The following TRIM5 variants were observed in gnomAD, a reference collection of about 807,000 sequenced individuals.
TRIM5 encodes the protein tripartite motif containing 5.
TRIM5 carries 31 observed loss-of-function variants against 35.6 expected under a neutral mutation model. The ratio of observed to expected loss-of-function variants is 0.87; its 90% confidence interval spans 0.65 to 1.18. The LOEUF (loss-of-function observed/expected upper bound fraction) is 1.18, where lower values mean the gene tolerates loss of function less well. Among genes scored for constraint, TRIM5 ranks in the 50% most tolerant of loss-of-function variants. The pLI is 0.00. For synonymous variants in TRIM5, 243 were observed against 215.6 expected, an observed-to-expected ratio of 1.13 and a Z score of -1.11; for missense variants, 609 against 591.6, an observed-to-expected ratio of 1.03 and a Z score of -0.31.
the TRIM5 span, among the ~76,000 whole-genome samples, chr11:5,641,750 T>C: frequency 6.6e-6 from 1 of 152,238 alleles, no homozygotes; most frequent in African/African-American, 2.4e-5. Flanking sequence ...TATGGAAAAG[T>C]GTAGTCCTTG....
chr11:5,620,351 G>A, the TRIM5 span, among the ~76,000 whole-genome samples: 6 of 151,316 alleles, frequency 4.0e-5, no homozygotes, highest in Admixed American at 3.9e-4. Flanking sequence ...CTAAGCTTTT[G>A]TATTTTTAGT....
At chr11:5,655,526 T>A in the TRIM5 span, 1 of 539,400 alleles carries the variant, frequency 1.9e-6, no homozygotes, top group Middle Eastern at 9.5e-4. Flanking sequence ...TATTAGTCTA[T>A]GGGTAACAAA....
the TRIM5 span, among the ~76,000 whole-genome samples, chr11:5,594,352 G>C: frequency 3.2e-4 from 49 of 152,118 alleles, no homozygotes; most frequent in African/African-American, 1.2e-3. Context: ...GTGTTGCCCA[G>C]GCTAGAGAGC....
the TRIM5 span, among the ~76,000 whole-genome samples, chr11:5,620,792 G>C: frequency 6.6e-6 from 1 of 152,120 alleles, no homozygotes; most frequent in African/African-American, 2.4e-5. Flanking sequence ...AGAGGCTCTG[G>C]TAGACCTCAG....
chr11:5,667,274 T>G (rs1851212457), intron 5 of TRIM5, among the ~76,000 whole-genome samples: 1 of 152,192 alleles, frequency 6.6e-6, no homozygotes, highest in Admixed American at 6.5e-5. Flanking sequence ...TGGCATGGTC[T>G]TGGCTCACTG....
chr11:5,675,662 CTTTT>C (rs71053292), intron 4 of TRIM5, among the ~76,000 whole-genome samples: 3 of 141,792 alleles, frequency 2.1e-5, no homozygotes, highest in Non-Finnish European at 4.6e-5. Context: ...TCTTGCATTT[CTTTT>C]TTTTTTTTTT....
the TRIM5 span, among the ~76,000 whole-genome samples, chr11:5,619,059 C>T: frequency 6.6e-6 from 1 of 152,086 alleles, no homozygotes; most frequent in Admixed American, 6.6e-5. Context: ...ATGAGGGTAG[C>T]CTGAGTCATA....
the TRIM5 span, among the ~76,000 whole-genome samples, chr11:5,646,207 G>A: frequency 6.6e-6 from 1 of 151,486 alleles, no homozygotes; most frequent in East Asian, 1.9e-4. Flanking sequence ...AGCTTTTTTG[G>A]AAATATCATT....
chr11:5,626,134 A>G, the TRIM5 span, among the ~76,000 whole-genome samples: 1 of 152,236 alleles, frequency 6.6e-6, no homozygotes, highest in African/African-American at 2.4e-5. Context: ...ATGTCTGCCT[A>G]CATACTGACT....
chr11:5,638,008 G>C, the TRIM5 span, among the ~76,000 whole-genome samples: 3 of 152,128 alleles, frequency 2.0e-5, no homozygotes, highest in Admixed American at 1.3e-4. Flanking sequence ...TTCCATCCTT[G>C]TACTTGTTTA....
chr11:5,615,685 C>A, the TRIM5 span, among the ~76,000 whole-genome samples: 7 of 151,790 alleles, frequency 4.6e-5, no homozygotes, highest in Admixed American at 2.0e-4. Flanking sequence ...CCTCTGCCTC[C>A]TGGGTTTAAG....
Position 5,683,464 on chromosome 11 carries a change from G to A in TRIM5, c.-62+1404C>T, listed in dbSNP as rs575687559. ...TGTGTCTAGCTCAGGGTTTGTGAATGCACCAATCGACACTCTATATCTAGC... is the reference window on the plus strand; with the variant it reads ...TGTGTCTAGCTCAGGGTTTGTGAATACACCAATCGACACTCTATATCTAGC... On this transcript the variant is annotated intron_variant, in intron 1 of 7. Coordinates refer to ENST00000380034, the MANE Select transcript of TRIM5 (RefSeq NM_033034.3). 1.7e-3 allele frequency among the ~76,000 whole-genome samples: 265 copies of A among 152,086 alleles called. 1 individual carries two copies. The highest frequency in any genetic ancestry group is 6.3e-3 in the African/African-American group (261 of 41,482).
In TRIM5 at chr11:5,664,604, A is replaced by C; in HGVS notation, c.*205T>G. ...TTAGGAGTACGGAAAATGATGAAAA[A>C]AATTGCTATCAAATGTCAATAAAAT... On this transcript the variant is annotated 3_prime_UTR_variant, in exon 8 of 8. Coordinates refer to ENST00000380034, the MANE Select transcript of TRIM5 (RefSeq NM_033034.3). The C allele has an allele frequency of 7.7e-7, 1 of 1,304,642 alleles. No individual in the cohort carries two copies. The highest frequency in any genetic ancestry group is 9.7e-7 in the Non-Finnish European group (1 of 1,030,358). 80.8% of individuals were successfully genotyped at this position (1,304,642 alleles called of 1,614,324 possible). A position where few individuals can be genotyped will look rare whatever the true frequency, so the allele number is the denominator to read the frequency against.
At chr11:5,602,805 C>T in the TRIM5 span, among the ~76,000 whole-genome samples, 5 of 148,016 alleles carry the variant, frequency 3.4e-5, no homozygotes, top group African/African-American at 7.3e-5. Context: ...AATACAAAAA[C>T]TAGCCAGGTG....
the TRIM5 span, among the ~76,000 whole-genome samples, chr11:5,618,260 C>T: frequency 6.6e-6 from 1 of 152,134 alleles, no homozygotes; most frequent in Non-Finnish European, 1.5e-5. Flanking sequence ...ATTCCAGCTA[C>T]TTGGGAGGCT....
chr11:5,684,667 G>T (rs1852876595), intron 1 of TRIM5, among the ~76,000 whole-genome samples: 1 of 152,174 alleles, frequency 6.6e-6, no homozygotes, highest in African/African-American at 2.4e-5. Flanking sequence ...TATAGAGTAG[G>T]GAGGGGATGG....
the TRIM5 span, among the ~76,000 whole-genome samples, chr11:5,638,736 G>A: frequency 3.9e-5 from 6 of 152,144 alleles, no homozygotes; most frequent in Non-Finnish European, 7.4e-5. Flanking sequence ...TACTGGTGCC[G>A]TTTTTTCTTC....
At chr11:5,665,906 T>C in intron 6 of TRIM5, 75 bp downstream of exon 6, 1 of 1,440,166 alleles carries the variant, frequency 6.9e-7, no homozygotes, top group Non-Finnish European at 9.5e-7. Flanking sequence ...ATTTGGAAAC[T>C]GCACCCTCTT....
At chr11:5,590,970 G>A in the TRIM5 span, 122 of 176,594 alleles carry the variant, frequency 6.9e-4, no homozygotes, top group Middle Eastern at 2.4e-3. Context: ...GAGGGTCCGC[G>A]GCTTCATTCT....
Sources: gnomAD v4.1 joint callset for allele counts (sites outside exome capture counted in the v4.1 genomes callset) on GRCh38, gnomAD v4.1.1 for gene constraint, MANE v1.5 for transcripts, NCBI Gene and HGNC (gene_info 2026-07-23, HGNC 2026-07-21) for gene names.